The following FGR variants were observed in gnomAD, a reference collection of about 807,000 sequenced individuals.
The protein encoded by FGR is tyrosine-protein kinase Fgr.
In FGR, 26 loss-of-function variants were observed where a neutral mutation model predicts 63.2. The observed-to-expected ratio is 0.41, with a 90% CI of 0.30 to 0.57. The LOEUF is 0.57. Ranked by LOEUF, FGR falls within the 20% of genes least tolerant of loss-of-function variation. The pLI is 0.27. For missense variants in FGR, 511 were observed against 690.8 expected (o/e 0.74, Z 2.92); for synonymous variants, 286 against 277.7 (o/e 1.03, Z -0.30).
Position 27,619,185 on chromosome 1 carries a change from A to T in FGR, c.429-1889T>A, listed in dbSNP as rs1016960459. ...AACCGTCTATATAGCTTTTTTAAAA[A>T]TTTTTAATTAATTAATTTTTTTTGA... On this transcript the variant is annotated intron_variant, in intron 5 of 12. Coordinates refer to ENST00000374005, the MANE Select transcript of FGR (RefSeq NM_005248.3). 4.6e-5 allele frequency among the ~76,000 whole-genome samples: 7 copies of T among 152,174 alleles called. No individual in the cohort carries two copies. In the East Asian group the frequency reaches 9.7e-4, roughly 21 times the overall value.
At chr1:27,622,135 A>T (rs1409218599) in intron 4 of FGR, among the ~76,000 whole-genome samples, 2 of 152,010 alleles carry the variant, frequency 1.3e-5, no homozygotes, top group African/African-American at 2.4e-5. Context: ...AACATGGTGA[A>T]ACCCTATCTT....
At position 27,622,221 on chromosome 1, in the gene FGR, G is replaced by T. The variant is rs115226352; in HGVS notation, c.330-564C>A. ...CCAGGATCACTGGAACCCAGGAGGC[G>T]GGGGTTACAGTGAGCCAAGATTGCA... is the stretch of plus-strand genomic sequence containing the variant. On this transcript the variant is annotated intron_variant, in intron 4 of 12. Transcript: ENST00000374005. Among the ~76,000 whole-genome samples the T allele has an allele frequency of 1.8e-3, 277 of 151,084 alleles. 3 individuals are homozygous for T. The highest frequency in any genetic ancestry group is 6.3e-3 in the African/African-American group (259 of 41,114).
At chr1:27,614,319 A>T (rs1366440965) in intron 11 of FGR, 111 bp downstream of exon 11, 20 of 1,245,434 alleles carry the variant, frequency 1.6e-5, no homozygotes, top group Non-Finnish European at 2.2e-5. Flanking sequence ...CTACATCAGG[A>T]TGGGGCGACT....
At chr1:27,620,800 C>A (rs1028539327) in intron 5 of FGR, among the ~76,000 whole-genome samples, 2 of 141,600 alleles carry the variant, frequency 1.4e-5, no homozygotes, top group Admixed American at 7.1e-5. Flanking sequence ...CCAAGATGGG[C>A]GGATGGCTTG....
Position 27,624,784 on chromosome 1 carries a change from C to T in FGR, c.-14+305G>A, listed in dbSNP as rs181522970. 3.9e-5 allele frequency among the ~76,000 whole-genome samples: 6 copies of T among 152,040 alleles called. No homozygotes were observed. In the East Asian group the frequency reaches 9.6e-4, roughly 24 times the overall value. Reference sequence around the variant, plus strand: ...ATGTGCACCTATCTCTGTGTGGGAGCAGTGTGCCTGTCTCTGGATGTGTGT... The same window carrying T: ...ATGTGCACCTATCTCTGTGTGGGAGTAGTGTGCCTGTCTCTGGATGTGTGT... On this transcript the variant is annotated intron_variant, in intron 2 of 12. Transcript: ENST00000374005.
Position 27,614,526 on chromosome 1 carries a change from C to T in FGR, c.1153G>A (p.Ala385Thr). The T allele has an allele frequency of 2.5e-6, 4 of 1,614,070 alleles. No individual in the cohort carries two copies. Among genetic ancestry groups the T allele is most frequent in the Non-Finnish European group, 3.4e-6 (4 of 1,179,974 alleles). ...CGCTCCCCAACCAGGATGTTGGCTGCCCTCAGGTCGCGGTGAATGTAGTTC... is the reference window on the plus strand; with the variant it reads ...CGCTCCCCAACCAGGATGTTGGCTGTCCTCAGGTCGCGGTGAATGTAGTTC... ...RMNYIHRDLR[A>T]ANILVGERLA... The change falls in exon 11 of 13, where the codon GCA becomes ACA. Residue 385 changes from alanine (A) to threonine (T), a missense_variant. Physicochemically the swap from Ala to Thr is moderately conservative, Grantham distance 58. Coordinates refer to ENST00000374005, the MANE Select transcript of FGR (RefSeq NM_005248.3).
At chr1:27,621,384 T>A (rs1259472395) in intron 5 of FGR, among the ~76,000 whole-genome samples, 175 bp downstream of exon 5, 1 of 152,226 alleles carries the variant, frequency 6.6e-6, no homozygotes, top group Non-Finnish European at 1.5e-5. Context: ...CATGCTCTAT[T>A]ATCTACTATT....
At position 27,617,179 on chromosome 1, in the gene FGR, G is replaced by C. The variant is rs1306686547; in HGVS notation, c.532+14C>G. ...GGGCCTCCCAGTCGCCTTGGGGCGT[G>C]GCACCACCCCTACCTTTGGTGGTCT... is the stretch of plus-strand genomic sequence containing the variant. On this transcript the variant is annotated intron_variant, in intron 6 of 12. Coordinates refer to ENST00000374005, the MANE Select transcript of FGR (RefSeq NM_005248.3). The surrounding 1 kb of genome is among the most constrained non-coding windows in gnomAD (Gnocchi z 4.5). 6.2e-7 allele frequency: 1 copy of C among 1,611,734 alleles called. No individual in the cohort carries two copies. Among genetic ancestry groups the C allele is most frequent in the African/African-American group, 1.3e-5 (1 of 74,984 alleles).
chr1:27,624,098 T>C, intron 2 of FGR, 169 bp from the exon 3 acceptor site: 1 of 584,818 alleles, frequency 1.7e-6, no homozygotes, highest in South Asian at 2.3e-5. Flanking sequence ...CCACCTACTG[T>C]ACCGTTCAGT....
In FGR at chr1:27,612,621, T is replaced by A. The variant is rs1205890529; in HGVS notation, c.*293A>T. ...CAGTTTTATAAATAACTAGACAAGGTCTGAGCACTTTGGGTGGGGATGGAG... is the reference window on the plus strand; with the variant it reads ...CAGTTTTATAAATAACTAGACAAGGACTGAGCACTTTGGGTGGGGATGGAG... On this transcript the variant is annotated 3_prime_UTR_variant, in exon 13 of 13. Transcript: ENST00000374005. The A allele has an allele frequency of 2.5e-6, 1 of 393,592 alleles. No individual in the cohort carries two copies. The highest frequency in any genetic ancestry group is 4.0e-5 in the Admixed American group (1 of 24,860). The allele number at this position is 393,592 out of a possible 1,614,324, so 24.4% of individuals were successfully genotyped here.
chr1:27,632,519 C>G (rs1293255828), intron 1 of FGR, among the ~76,000 whole-genome samples: 1 of 152,136 alleles, frequency 6.6e-6, no homozygotes, highest in Non-Finnish European at 1.5e-5. Context: ...CCACCCAACC[C>G]TGTCTGACTC....
At chr1:27,619,027 C>T (rs548445510) in intron 5 of FGR, among the ~76,000 whole-genome samples, 4 of 152,270 alleles carry the variant, frequency 2.6e-5, no homozygotes, top group African/African-American at 4.8e-5. Flanking sequence ...GAAGCTTCTC[C>T]GCTCTCTCGG....
chr1:27,630,010 G>A (rs540010648), intron 1 of FGR, among the ~76,000 whole-genome samples: 2 of 152,282 alleles, frequency 1.3e-5, no homozygotes, highest in South Asian at 4.1e-4. Context: ...TTTGAATGTG[G>A]CCCAACACAT....
At position 27,617,968 on chromosome 1, in the gene FGR, G is replaced by A. The variant is rs929800353; in HGVS notation, c.429-672C>T. On this transcript the variant is annotated intron_variant, in intron 5 of 12. Coordinates refer to ENST00000374005, the MANE Select transcript of FGR (RefSeq NM_005248.3). This position sits in a 1 kb window ranked among gnomAD's most constrained non-coding sequence, Gnocchi z 4.5. ...CCGTAGCCCTAAACCAACTGTGCAGGTACAATGGGGGAGCTGAAGTGACCA... is the reference window on the plus strand; with the variant it reads ...CCGTAGCCCTAAACCAACTGTGCAGATACAATGGGGGAGCTGAAGTGACCA... 2.6e-5 allele frequency among the ~76,000 whole-genome samples: 4 copies of A among 152,202 alleles called. No homozygotes were observed. The highest frequency in any genetic ancestry group is 9.7e-5 in the African/African-American group (4 of 41,440).
intron 5 of FGR, among the ~76,000 whole-genome samples, chr1:27,619,028 G>A (rs1001063561): frequency 2.6e-5 from 4 of 152,016 alleles, no homozygotes; most frequent in South Asian, 4.2e-4. Context: ...AAGCTTCTCC[G>A]CTCTCTCGGT....
At position 27,623,056 on chromosome 1, in the gene FGR, G is replaced by C. The variant is rs1257741505; in HGVS notation, c.315C>G (p.His105Gln). 1 of 1,613,468 alleles carries C rather than the reference G, an allele frequency of 6.2e-7. No homozygotes were observed. The highest frequency in any genetic ancestry group is 2.2e-5 in the East Asian group (1 of 44,894). ...DLTFTKGEKFHILNNTEGDWW... is the reference protein window; with the variant it reads ...DLTFTKGEKFQILNNTEGDWW... ...TGGTCACTTACGTATTGTTCAGGAT[G>C]TGGAACTTCTCGCCCTTGGTGAAGG... Residue 105 changes from histidine to glutamine, a missense_variant, in exon 4 of 13, where the codon CAC (histidine) becomes CAG (glutamine). By Grantham distance (24) the His-to-Gln change is conservative (BLOSUM62 0). Transcript: ENST00000374005.
chr1:27,615,763 G>C lies in FGR; in HGVS notation c.764C>G (p.Ala255Gly), dbSNP rs757382308. Residue 255 changes from alanine to glycine, a missense_variant, in exon 8 of 13, where the codon GCC becomes GGC. By Grantham distance (60) the Ala-to-Gly change is moderately conservative (BLOSUM62 0). Transcript: ENST00000374005. The surrounding 1 kb of genome is among the most constrained non-coding windows in gnomAD (Gnocchi z 7.6). ...KPQTLGLAKD[A>G]WEISRSSITL... ...GATGGAGCTGCGGCTGATCTCCCAG[G>C]CGTCCTTGGCCAGGCCCAGCGTCTG... The C allele has an allele frequency of 6.2e-7, 1 of 1,605,088 alleles. No homozygotes were observed. Among genetic ancestry groups the C allele is most frequent in the South Asian group, 1.1e-5 (1 of 89,584 alleles).
At chr1:27,632,076 C>T (rs2090113081) in intron 1 of FGR, among the ~76,000 whole-genome samples, 1 of 151,870 alleles carries the variant, frequency 6.6e-6, no homozygotes, top group African/African-American at 2.4e-5. Context: ...AGTGCCTTTG[C>T]TGAGGCCCCC....
chr1:27,626,010 G>A (rs2090015827), intron 1 of FGR: 1 of 399,128 alleles, frequency 2.5e-6, no homozygotes, highest in East Asian at 3.6e-5. Context: ...CCACCCTAGG[G>A]TTCCATGTGG....
Sources: allele counts gnomAD v4.1 joint callset (sites outside exome capture counted in the v4.1 genomes callset), GRCh38; gene constraint gnomAD v4.1.1; non-coding constraint Gnocchi (gnomAD v3.1); transcripts MANE v1.5; gene names NCBI Gene and HGNC (gene_info 2026-07-23, HGNC 2026-07-21).